GRID2: variants seen among roughly 807,000 people sequenced by gnomAD.
GRID2 encodes the protein glutamate ionotropic receptor delta type subunit 2, also known as glutamate receptor ionotropic, delta-2.
In GRID2, 33 loss-of-function variants were observed where a neutral mutation model predicts 114.8. That is an observed-to-expected ratio of 0.29 (90% CI 0.22 to 0.38). The LOEUF (loss-of-function observed/expected upper bound fraction) is 0.38. Ranked by LOEUF, GRID2 falls within the 10% of genes least tolerant of loss-of-function variation. The pLI is 1.00. For missense variants in GRID2, 1,184 were observed against 1,257.7 expected (o/e 0.94, Z 0.89); for synonymous variants, 505 against 449.9 (o/e 1.12, Z -1.55).
chr4:93,241,336 G>A (rs1179069517), intron 8 of GRID2, among the ~76,000 whole-genome samples: 1 of 151,240 alleles, frequency 6.6e-6, no homozygotes, highest in African/African-American at 2.4e-5. Context: ...ACACCTTCTA[G>A]GGATGATGTT....
At position 92,522,792 on chromosome 4, in the gene GRID2, A is replaced by G. The variant is rs536924810; in HGVS notation, c.89-67339A>G. Among the ~76,000 whole-genome samples, 7 of 152,086 alleles carry G rather than the reference A, an allele frequency of 4.6e-5. No homozygotes were observed. The East Asian group carries it at 9.7e-4, about 21-fold the overall frequency. On this transcript the variant is annotated intron_variant, in intron 1 of 15. Transcript: ENST00000282020. ...GAGATTGGCAAGGCAATGACAGGAC[A>G]GGTTTGCTGAGAAATGTGAGGAGTT...
chr4:93,506,153 C>T (rs1173607755), intron 12 of GRID2, among the ~76,000 whole-genome samples: 1 of 152,150 alleles, frequency 6.6e-6, no homozygotes, highest in African/African-American at 2.4e-5. Context: ...TGACATCTAC[C>T]CTTCCCAAGG....
intron 1 of GRID2, among the ~76,000 whole-genome samples, chr4:92,571,064 TATG>T (rs1727591316): frequency 6.6e-6 from 1 of 152,108 alleles, no homozygotes; most frequent in South Asian, 2.1e-4. Context: ...TGCCACTCAG[TATG>T]ATATTGGCTG....
At chr4:93,044,201 T>A (rs1296913984) in intron 2 of GRID2, among the ~76,000 whole-genome samples, 1 of 152,072 alleles carries the variant, frequency 6.6e-6, no homozygotes, top group Non-Finnish European at 1.5e-5. Context: ...TTATACAAAT[T>A]GTTAGAATTT....
At chr4:92,546,722 A>G (rs557240139) in intron 1 of GRID2, among the ~76,000 whole-genome samples, 1 of 152,344 alleles carries the variant, frequency 6.6e-6, no homozygotes, top group Non-Finnish European at 1.5e-5. Context: ...GTGGATACAC[A>G]TGCAAGTCTG....
chr4:93,628,970 T>C (rs1742992326), intron 14 of GRID2, among the ~76,000 whole-genome samples: 5 of 152,134 alleles, frequency 3.3e-5, no homozygotes, highest in African/African-American at 9.7e-5. Flanking sequence ...TTTTGCCATA[T>C]TGGGCAGGCT....
chr4:92,776,696 G>T (rs1239804151), intron 2 of GRID2, among the ~76,000 whole-genome samples: 1 of 151,966 alleles, frequency 6.6e-6, no homozygotes, highest in Non-Finnish European at 1.5e-5. Flanking sequence ...TGTAAAGATT[G>T]TTCTCTCTAC....
At chr4:93,175,966 T>A (rs533274082) in intron 4 of GRID2, among the ~76,000 whole-genome samples, 184 of 152,236 alleles carry the variant, frequency 1.2e-3, no homozygotes, top group African/African-American at 4.2e-3. Flanking sequence ...TCATGAGAAA[T>A]CTTGAGGCTT....
chr4:93,396,327 G>A (rs892860983), intron 9 of GRID2, among the ~76,000 whole-genome samples: 10 of 151,964 alleles, frequency 6.6e-5, no homozygotes, highest in African/African-American at 2.2e-4. Context: ...TAGGATTACA[G>A]TAGTTTCCCT....
At chr4:92,323,635 CTA>C (rs1726441304) in intron 1 of GRID2, among the ~76,000 whole-genome samples, 1 of 152,024 alleles carries the variant, frequency 6.6e-6, no homozygotes, top group African/African-American at 2.4e-5. Context: ...TTATCACTTT[CTA>C]TGTTTTCCAC....
chr4:92,750,881 A>G (rs1272226667), intron 2 of GRID2, among the ~76,000 whole-genome samples: 4 of 152,208 alleles, frequency 2.6e-5, no homozygotes, highest in Admixed American at 6.5e-5. Context: ...ATAATTTTAG[A>G]GATAAGTAAT....
intron 8 of GRID2, among the ~76,000 whole-genome samples, chr4:93,278,264 CT>C (rs1319339273): frequency 1.0e-5 from 1 of 96,780 alleles, no homozygotes; most frequent in African/African-American, 3.6e-5. Flanking sequence ...ATAATTTTGA[CT>C]TTAAAAAAAA....
chr4:93,041,799 T>C (rs1465435437), intron 2 of GRID2, among the ~76,000 whole-genome samples: 1 of 152,156 alleles, frequency 6.6e-6, no homozygotes, highest in Non-Finnish European at 1.5e-5. Flanking sequence ...AGAATTGTAC[T>C]GAGTAGAGCC....
At chr4:93,802,500 A>C (rs1179483627) in intron 1 of GRID2, among the ~76,000 whole-genome samples, 1 of 152,202 alleles carries the variant, frequency 6.6e-6, no homozygotes, top group Non-Finnish European at 1.5e-5. Flanking sequence ...GAATTAAAAA[A>C]GAAAACATTT....
At chr4:92,498,809 T>C (rs1723523412) in intron 1 of GRID2, among the ~76,000 whole-genome samples, 1 of 151,516 alleles carries the variant, frequency 6.6e-6, no homozygotes, top group South Asian at 2.1e-4. Context: ...TATATATTAA[T>C]ATATTATTTA....
At chr4:92,596,810 A>G (rs936060530) in intron 2 of GRID2, among the ~76,000 whole-genome samples, 4 of 152,230 alleles carry the variant, frequency 2.6e-5, no homozygotes, top group African/African-American at 9.6e-5. Flanking sequence ...AAATTAATTT[A>G]TTCAAGTGCT....
intron 2 of GRID2, among the ~76,000 whole-genome samples, chr4:92,613,117 G>A (rs62307885): frequency 0.047 from 7,112 of 151,334 alleles, 208 homozygotes; most frequent in East Asian, 0.095. Flanking sequence ...AGTTTGTTGA[G>A]GGTTTCTAAT....
At chr4:92,647,787 A>G (rs1159835982) in intron 2 of GRID2, among the ~76,000 whole-genome samples, 2 of 149,762 alleles carry the variant, frequency 1.3e-5, no homozygotes, top group South Asian at 4.2e-4. Flanking sequence ...GAAATTCATT[A>G]TACTTAACAA....
At chr4:93,213,166 T>C (rs1400038559) in intron 5 of GRID2, among the ~76,000 whole-genome samples, 1 of 152,208 alleles carries the variant, frequency 6.6e-6, no homozygotes, top group Non-Finnish European at 1.5e-5. Context: ...TGAATTGAAC[T>C]GCTCACTTCT....
Sources: gnomAD v4.1 joint callset for allele counts (sites outside exome capture counted in the v4.1 genomes callset) on GRCh38, gnomAD v4.1.1 for gene constraint, MANE v1.5 for transcripts, NCBI Gene and HGNC (gene_info 2026-07-23, HGNC 2026-07-21) for gene names.